Variants in RALGPS2 observed in about 807,000 individuals in gnomAD.
RALGPS2 encodes ras-specific guanine nucleotide-releasing factor RalGPS2.
RALGPS2 carries 43 observed loss-of-function variants against 86.8 expected under a neutral mutation model. The ratio of observed to expected loss-of-function variants is 0.50; its 90% confidence interval spans 0.39 to 0.64. The LOEUF (loss-of-function observed/expected upper bound fraction) is 0.64, where lower values mean the gene tolerates loss of function less well. RALGPS2 is among the 30% of genes least tolerant of loss of function. The probability of loss-of-function intolerance (pLI) is 0.00; values close to 1 mark genes in which losing one functional copy is unlikely to be tolerated. For missense variants in RALGPS2, 536 were observed against 694.6 expected, an observed-to-expected ratio of 0.77 and a Z score of 2.57; for synonymous variants, 243 against 231.3, an observed-to-expected ratio of 1.05 and a Z score of -0.46.
rs369160234 is a variant in RALGPS2, at chr1:178,885,245, A to G, written c.1040+34A>G. On this transcript the variant is annotated intron_variant, in intron 12 of 19. Transcript: ENST00000367635. ...TTTTAATTTTATCTTTCAAATTTTTAAGTCTTTTGTAATTGGATTTATTGT... is the reference window on the plus strand; with the variant it reads ...TTTTAATTTTATCTTTCAAATTTTTGAGTCTTTTGTAATTGGATTTATTGT... The G allele has an allele frequency of 1.4e-5, 22 of 1,579,588 alleles. No homozygotes were observed. In the East Asian group the frequency reaches 4.1e-4, roughly 29 times the overall value.
intron 8 of RALGPS2, chr1:178,853,655 G>A (rs746768723): frequency 1.9e-6 from 3 of 1,612,152 alleles, no homozygotes; most frequent in South Asian, 1.1e-5. Flanking sequence ...CTGAATAACA[G>A]TCCAACCCCC....
At chr1:178,840,684 C>G (rs1558144104) in intron 8 of RALGPS2, among the ~76,000 whole-genome samples, 2 of 152,048 alleles carry the variant, frequency 1.3e-5, no homozygotes, top group Non-Finnish European at 2.9e-5. Context: ...ACAAAAAACC[C>G]TTCAAGAAAA....
At chr1:178,856,194 GAGAGAGAGATATATATATAT>G (rs1196242657) in intron 8 of RALGPS2, among the ~76,000 whole-genome samples, 8 of 99,198 alleles carry the variant, frequency 8.1e-5, no homozygotes, top group East Asian at 6.9e-4. Flanking sequence ...CTTTTCCAGA[GAGAGAGAGATATATATATAT>G]ATATATATAT....
At chr1:178,893,098 G>A (rs1167609562) in intron 15 of RALGPS2, among the ~76,000 whole-genome samples, 1 of 152,034 alleles carries the variant, frequency 6.6e-6, no homozygotes, top group Non-Finnish European at 1.5e-5. Flanking sequence ...TGCTCTTATA[G>A]GAATTCTGCA....
At chr1:178,729,420 G>A (rs369648632) in intron 1 of RALGPS2, among the ~76,000 whole-genome samples, 15 of 152,182 alleles carry the variant, frequency 9.9e-5, no homozygotes, top group Middle Eastern at 3.4e-3. Flanking sequence ...TATCTGACAC[G>A]TAGTGATGCT....
chr1:178,740,729 T>C (rs539027487), intron 1 of RALGPS2, among the ~76,000 whole-genome samples: 1 of 152,328 alleles, frequency 6.6e-6, no homozygotes, highest in South Asian at 2.1e-4. Context: ...CTGTAGATAC[T>C]GTTCTTCCTT....
chr1:178,817,992 G>A (rs1655317080), intron 6 of RALGPS2, among the ~76,000 whole-genome samples: 1 of 152,136 alleles, frequency 6.6e-6, no homozygotes, highest in South Asian at 2.1e-4. Flanking sequence ...TAAAAGAATG[G>A]TAGAGACTGG....
At chr1:178,780,238 G>A (rs866323193) in intron 2 of RALGPS2, among the ~76,000 whole-genome samples, 1 of 152,160 alleles carries the variant, frequency 6.6e-6, no homozygotes, top group Admixed American at 6.5e-5. Flanking sequence ...AGAATACCAA[G>A]AGATAGAGAT....
rs560079410 is a variant in RALGPS2 at position 178,874,116 on chromosome 1, C to T, written c.608-3382C>T. On this transcript the variant is annotated intron_variant, in intron 8 of 19. Transcript: ENST00000367635. The stretch of plus-strand genomic sequence containing the variant: ...CAAAAGTAGGAATACAGACAAATGT[C>T]GGGGAAAAAATAAGGGAATGATCTT... 5.3e-5 allele frequency among the ~76,000 whole-genome samples: 8 copies of T among 151,888 alleles called. No individual in the cohort carries two copies. In the South Asian group the frequency reaches 1.5e-3, roughly 28 times the overall value.
intron 10 of RALGPS2, 70 bp from the exon 11 acceptor site, chr1:178,883,396 A>T (rs996263646): frequency 2.4e-6 from 3 of 1,234,034 alleles, no homozygotes; most frequent in South Asian, 1.3e-5. Context: ...GTGAGAAAAT[A>T]CACAACTTTA....
At chr1:178,816,364 G>T (rs1655229523) in intron 6 of RALGPS2, among the ~76,000 whole-genome samples, 1 of 151,844 alleles carries the variant, frequency 6.6e-6, no homozygotes, top group Admixed American at 6.6e-5. Flanking sequence ...TATGTATGTG[G>T]ACCATTTGGA....
At chr1:178,887,558 A>T (rs537473474) in intron 13 of RALGPS2, among the ~76,000 whole-genome samples, 2 of 152,232 alleles carry the variant, frequency 1.3e-5, no homozygotes, top group Non-Finnish European at 2.9e-5. Context: ...TTGTTCAAGG[A>T]CTAAGCCTAT....
chr1:178,878,032 C>T (rs536741083), intron 9 of RALGPS2, among the ~76,000 whole-genome samples: 4 of 152,106 alleles, frequency 2.6e-5, no homozygotes, highest in African/African-American at 7.2e-5. Context: ...ATTTGATCTC[C>T]CTGATCTATT....
intron 1 of RALGPS2, among the ~76,000 whole-genome samples, chr1:178,731,276 T>G (rs891297744): frequency 2.9e-4 from 17 of 59,494 alleles, no homozygotes; most frequent in Admixed American, 4.3e-4. Context: ...GTTTTGGTTT[T>G]TTTTTTTTTT....
intron 1 of RALGPS2, among the ~76,000 whole-genome samples, chr1:178,770,870 C>T (rs1652776793): frequency 8.1e-6 from 1 of 123,704 alleles, no homozygotes; most frequent in Admixed American, 8.6e-5. Context: ...CGGAGTTTTG[C>T]TCTTGTTGCC....
At chr1:178,846,216 G>A (rs937003339) in intron 8 of RALGPS2, among the ~76,000 whole-genome samples, 1 of 152,142 alleles carries the variant, frequency 6.6e-6, no homozygotes, top group African/African-American at 2.4e-5. Context: ...TCTTCAATAT[G>A]TAAGGCTCTG....
intron 1 of RALGPS2, among the ~76,000 whole-genome samples, chr1:178,753,367 A>G (rs116620553): frequency 0.017 from 2,601 of 152,278 alleles, 74 homozygotes; most frequent in African/African-American, 0.058. Flanking sequence ...AGACAAGTCA[A>G]ATATTAAAAT....
In RALGPS2 at chr1:178,758,854, CA is replaced by C. The variant is rs578205096; in HGVS notation, c.-83-17827del. On this transcript the variant is annotated intron_variant, in intron 1 of 19. Transcript: ENST00000367635. ...AGAACTTTTTCATATGCCTCTTTAC[CA>C]GTTATATGTTTTCTTTGGAGAAATG... Among the ~76,000 whole-genome samples the C allele has an allele frequency of 2.0e-5, 3 of 151,898 alleles. No homozygotes were observed. In the South Asian group the frequency reaches 6.2e-4, roughly 32 times the overall value.
At chr1:178,890,387 A>AT (rs1442860243) in intron 14 of RALGPS2, among the ~76,000 whole-genome samples, 1 of 151,966 alleles carries the variant, frequency 6.6e-6, no homozygotes, top group Admixed American at 6.6e-5. Flanking sequence ...CAGTTCTGCC[A>AT]TTTCAGACTC....
Sources: gnomAD v4.1 joint callset for allele counts (sites outside exome capture counted in the v4.1 genomes callset) on GRCh38, gnomAD v4.1.1 for gene constraint, MANE v1.5 for transcripts, NCBI Gene and HGNC (gene_info 2026-07-23, HGNC 2026-07-21) for gene names.